CNTLN: variants seen among roughly 807,000 people sequenced by gnomAD.
CNTLN encodes centlein.
In CNTLN, 212 loss-of-function variants were observed where a neutral mutation model predicts 180.0. That is an observed-to-expected ratio of 1.18 (90% CI 1.05 to 1.32). The LOEUF is 1.32. CNTLN is among the 40% of genes most tolerant of loss of function. The pLI, the probability that CNTLN is intolerant of heterozygous loss-of-function variation, is 0.00. For missense variants in CNTLN, 2,095 were observed against 1,610.9 expected, an observed-to-expected ratio of 1.30 and a Z score of -5.14; for synonymous variants, 722 against 563.1, an observed-to-expected ratio of 1.28 and a Z score of -3.99.
Position 17,385,839 on chromosome 9 carries a change from C to G in CNTLN, c.1988-2323C>G, listed in dbSNP as rs192358643. Among the ~76,000 whole-genome samples the G allele has an allele frequency of 4.3e-3, 651 of 152,208 alleles. 3 individuals carry two copies. Among genetic ancestry groups the G allele is most frequent in the African/African-American group, 0.014 (586 of 41,544 alleles). On this transcript the variant is annotated intron_variant, in intron 13 of 25. Coordinates refer to ENST00000380647, the MANE Select transcript of CNTLN (RefSeq NM_017738.4). Reference sequence around the variant, plus strand: ...CATAGGTTATTTGCAAATGCTACATCAGGGACTTGAGCATGGTTGGATTTA... The same window carrying G: ...CATAGGTTATTTGCAAATGCTACATGAGGGACTTGAGCATGGTTGGATTTA...
intron 5 of CNTLN, among the ~76,000 whole-genome samples, chr9:17,260,104 T>G (rs568343946): frequency 2.7e-5 from 4 of 146,666 alleles, no homozygotes; most frequent in Non-Finnish European, 5.9e-5. Context: ...CTTTCTCTTG[T>G]GGGCATTTAG....
At chr9:17,235,819 G>A in intron 4 of CNTLN, 27 bp downstream of exon 4, 1 of 1,569,068 alleles carries the variant, frequency 6.4e-7, no homozygotes, top group Non-Finnish European at 8.6e-7. Flanking sequence ...ATAGTTTTGT[G>A]GGACTGTTGC....
chr9:17,290,218 C>G (rs1829277986), intron 6 of CNTLN, among the ~76,000 whole-genome samples: 1 of 152,062 alleles, frequency 6.6e-6, no homozygotes, highest in Non-Finnish European at 1.5e-5. Flanking sequence ...TGTTAGTTTT[C>G]CTTCTATCAG....
chr9:17,514,745 A>G, the CNTLN span, among the ~76,000 whole-genome samples: 1 of 152,186 alleles, frequency 6.6e-6, no homozygotes. Context: ...CCTGAGCAAT[A>G]TTAATGCTTA....
At chr9:17,202,366 T>C (rs1177726808) in intron 2 of CNTLN, among the ~76,000 whole-genome samples, 1 of 152,202 alleles carries the variant, frequency 6.6e-6, no homozygotes, top group Non-Finnish European at 1.5e-5. Context: ...GGTCCAGAGC[T>C]GAGTTCAAGG....
chr9:17,296,117 C>T (rs1018107594), intron 6 of CNTLN, among the ~76,000 whole-genome samples: 2 of 151,752 alleles, frequency 1.3e-5, no homozygotes, highest in African/African-American at 2.4e-5. Context: ...ATTCCTCTGC[C>T]TCAGCCTCCT....
chr9:17,330,509 G>A (rs1404932023), intron 8 of CNTLN, 123 bp from the exon 9 acceptor site: 15 of 514,314 alleles, frequency 2.9e-5, no homozygotes, highest in Non-Finnish European at 4.1e-5. Flanking sequence ...ATTATTAAAA[G>A]GAAAATTTCC....
At chr9:17,172,967 G>T (rs1287379868) in intron 2 of CNTLN, among the ~76,000 whole-genome samples, 3 of 152,038 alleles carry the variant, frequency 2.0e-5, no homozygotes, top group Non-Finnish European at 4.4e-5. Context: ...TTGAATTTTG[G>T]AAAAAATAAT....
intron 2 of CNTLN, among the ~76,000 whole-genome samples, chr9:17,198,579 A>G (rs1158220049): frequency 1.3e-5 from 2 of 148,738 alleles, no homozygotes; most frequent in Non-Finnish European, 3.0e-5. Flanking sequence ...GCATATAGAA[A>G]TGCTACGGAA....
the CNTLN span, among the ~76,000 whole-genome samples, chr9:17,523,338 C>T: frequency 6.6e-6 from 1 of 152,074 alleles, no homozygotes; most frequent in African/African-American, 2.4e-5. Flanking sequence ...CTGGTTCAAG[C>T]GATTCTGCTG....
At chr9:17,272,069 T>C (rs1013830403) in intron 5 of CNTLN, among the ~76,000 whole-genome samples, 32 of 146,580 alleles carry the variant, frequency 2.2e-4, no homozygotes, top group African/African-American at 7.6e-4. Context: ...CTCTTTCCTT[T>C]CTGTCCTTTC....
chr9:17,357,791 C>T (rs1453519490), intron 12 of CNTLN, among the ~76,000 whole-genome samples: 1 of 151,236 alleles, frequency 6.6e-6, no homozygotes, highest in African/African-American at 2.4e-5. Context: ...AATAAATAAC[C>T]TTAACAATGT....
rs750285621 is a variant in CNTLN at position 17,135,168 on chromosome 9, C to G, written c.103C>G (p.Arg35Gly). The G allele has an allele frequency of 6.2e-7, 1 of 1,609,666 alleles. No homozygotes were observed. The highest frequency in any genetic ancestry group is 1.7e-5 in the Admixed American group (1 of 59,456). ...VGRGAEVHAM[R>G]SEASGFAGAA... ...GCGGGGAGCTGAAGTACACGCAATG[C>G]GCAGCGAGGCCTCGGGTTTTGCCGG... The change falls in exon 1 of 26, where the codon CGC becomes GGC. Residue 35 changes from arginine to glycine, a missense_variant. Coordinates refer to ENST00000380647, the MANE Select transcript of CNTLN (RefSeq NM_017738.4).
At chr9:17,137,490 A>T (rs975325583) in intron 1 of CNTLN, among the ~76,000 whole-genome samples, 1 of 152,342 alleles carries the variant, frequency 6.6e-6, no homozygotes, top group South Asian at 2.1e-4. Context: ...AACTCGAAGT[A>T]AAATTTTGTA....
intron 18 of CNTLN, among the ~76,000 whole-genome samples, chr9:17,424,683 G>A (rs532770064): frequency 6.6e-6 from 1 of 152,150 alleles, no homozygotes; most frequent in Non-Finnish European, 1.5e-5. Flanking sequence ...AAATTCTTAT[G>A]TTGATTAGAG....
intron 6 of CNTLN, among the ~76,000 whole-genome samples, chr9:17,297,968 A>G (rs757515047): frequency 6.6e-5 from 10 of 152,204 alleles, no homozygotes; most frequent in Non-Finnish European, 1.2e-4. Context: ...AAGAAAATTA[A>G]TATGTATCTG....
intron 6 of CNTLN, among the ~76,000 whole-genome samples, chr9:17,291,212 C>T (rs1426808403): frequency 6.6e-6 from 1 of 152,160 alleles, no homozygotes; most frequent in African/African-American, 2.4e-5. Flanking sequence ...GAGTGTTTTA[C>T]TCCCAAGTAC....
chr9:17,224,593 T>C (rs548991739), intron 2 of CNTLN, among the ~76,000 whole-genome samples: 2 of 152,164 alleles, frequency 1.3e-5, no homozygotes, highest in Admixed American at 1.3e-4. Context: ...CCCTTATTAC[T>C]ATCCCTTATT....
intron 15 of CNTLN, among the ~76,000 whole-genome samples, chr9:17,399,190 C>G (rs1021162448): frequency 1.1e-4 from 17 of 152,192 alleles, no homozygotes; most frequent in African/African-American, 3.9e-4. Flanking sequence ...CTTTGAGCTA[C>G]TCACTTCCAC....
Sources: allele counts gnomAD v4.1 joint callset (sites outside exome capture counted in the v4.1 genomes callset), GRCh38; gene constraint gnomAD v4.1.1; transcripts MANE v1.5; gene names NCBI Gene and HGNC (gene_info 2026-07-23, HGNC 2026-07-21).